GLT8D2: variants seen among roughly 807,000 people sequenced by gnomAD.
GLT8D2 encodes the protein glycosyltransferase 8 domain containing 2, also known as glycosyltransferase 8 domain-containing protein 2.
In GLT8D2, 45 loss-of-function variants were observed where a neutral mutation model predicts 44.5. The observed-to-expected ratio is 1.01, with a 90% CI of 0.80 to 1.30. GLT8D2 has a LOEUF of 1.30. Ranked by LOEUF, GLT8D2 falls within the 50% of genes most tolerant of loss-of-function variation. The pLI is 0.00. For synonymous variants in GLT8D2, 156 were observed against 157.2 expected (o/e 0.99, Z 0.06); for missense variants, 400 against 430.4 (o/e 0.93, Z 0.62).
At chr12:104,038,441 G>A (rs1003349248) in intron 1 of GLT8D2, among the ~76,000 whole-genome samples, 3 of 152,186 alleles carry the variant, frequency 2.0e-5, no homozygotes, top group African/African-American at 7.2e-5. Context: ...AGCAACTTCA[G>A]CAAAGTCTCA....
In GLT8D2 at chr12:104,019,676, C is replaced by T; in HGVS notation, c.-28G>A. Reference sequence around the variant, plus strand: ...GTATTCACGCGGATAAGAACTGTAACCTGTGGATTAAAGGAAAAAAAATCT... The same window carrying T: ...GTATTCACGCGGATAAGAACTGTAATCTGTGGATTAAAGGAAAAAAAATCT... On this transcript the variant is annotated splice_region_variant and 5_prime_UTR_variant, in exon 3 of 11. Coordinates refer to ENST00000360814, the MANE Select transcript of GLT8D2 (RefSeq NM_001384711.1). The T allele has an allele frequency of 6.2e-7, 1 of 1,600,958 alleles. No individual in the cohort carries two copies. Among genetic ancestry groups the T allele is most frequent in the Non-Finnish European group, 8.5e-7 (1 of 1,172,196 alleles).
At chr12:104,004,356 C>A (rs946405007) in intron 4 of GLT8D2, among the ~76,000 whole-genome samples, 1 of 152,122 alleles carries the variant, frequency 6.6e-6, no homozygotes, top group African/African-American at 2.4e-5. Flanking sequence ...TCCTATTCAA[C>A]ACAGTGTTGG....
intron 1 of GLT8D2, among the ~76,000 whole-genome samples, chr12:104,025,212 T>G (rs1486159092): frequency 2.0e-5 from 3 of 152,178 alleles, no homozygotes; most frequent in South Asian, 4.2e-4. Context: ...TCATTTTATT[T>G]TTTTCTTTTT....
chr12:104,034,521 T>G (rs945690183), intron 1 of GLT8D2, among the ~76,000 whole-genome samples: 1 of 152,260 alleles, frequency 6.6e-6, no homozygotes, highest in Non-Finnish European at 1.5e-5. Flanking sequence ...CCCATGCCCA[T>G]GGAGCCTTGC....
chr12:103,990,843 T>C (rs1872665677), intron 10 of GLT8D2, among the ~76,000 whole-genome samples: 1 of 152,176 alleles, frequency 6.6e-6, no homozygotes, highest in South Asian at 2.1e-4. Context: ...TAGGACATCC[T>C]CACCTCTCAG....
chr12:104,004,276 C>T (rs745896451), intron 4 of GLT8D2, among the ~76,000 whole-genome samples: 27 of 152,166 alleles, frequency 1.8e-4, no homozygotes, highest in Non-Finnish European at 3.7e-4. Context: ...CAATATCATA[C>T]TGAATGGGCA....
intron 5 of GLT8D2, among the ~76,000 whole-genome samples, 197 bp downstream of exon 5, chr12:104,002,938 T>G (rs1359646658): frequency 6.7e-6 from 1 of 149,198 alleles, no homozygotes; most frequent in African/African-American, 2.5e-5. Flanking sequence ...CAGAGCAAGA[T>G]CCTATCAGAA....
intron 2 of GLT8D2, among the ~76,000 whole-genome samples, chr12:104,020,252 G>A (rs1007472950): frequency 6.6e-6 from 1 of 152,032 alleles, no homozygotes; most frequent in Non-Finnish European, 1.5e-5. Context: ...TGTAAAAAGA[G>A]CTCTGTCAGC....
At chr12:104,039,793 TGG>T (rs1880337635) in intron 1 of GLT8D2, among the ~76,000 whole-genome samples, 1 of 152,238 alleles carries the variant, frequency 6.6e-6, no homozygotes, top group Non-Finnish European at 1.5e-5. Flanking sequence ...ATCCTATTAC[TGG>T]GTATATACCC....
In GLT8D2 at chr12:104,029,936, A is replaced by T. The variant is rs568380190; in HGVS notation, c.-163-8445T>A. Among the ~76,000 whole-genome samples, 156 of 152,328 alleles carry T rather than the reference A, an allele frequency of 1.0e-3. 2 individuals carry two copies. Among genetic ancestry groups the T allele is most frequent in the African/African-American group, 3.6e-3 (148 of 41,576 alleles). ...ACACCCAAAGCAATCTACAGATTTA[A>T]TGTAGTCCCTTTCAAAATTCCAATG... On this transcript the variant is annotated intron_variant, in intron 1 of 10. Coordinates refer to ENST00000360814, the MANE Select transcript of GLT8D2 (RefSeq NM_001384711.1).
chr12:104,031,343 A>G, intron 1 of GLT8D2: 1 of 1,599,330 alleles, frequency 6.3e-7, no homozygotes, highest in Middle Eastern at 1.9e-4. Context: ...CCATGGCAAC[A>G]GCCTCCGGGG....
intron 3 of GLT8D2, among the ~76,000 whole-genome samples, chr12:104,016,358 CG>C (rs1876591483): frequency 6.6e-6 from 1 of 151,902 alleles, no homozygotes; most frequent in Non-Finnish European, 1.5e-5. Context: ...ATGTGCAGGC[CG>C]GGTGTGGTGG....
chr12:104,060,605 C>CA (rs1476835870), intron 1 of GLT8D2, among the ~76,000 whole-genome samples: 10 of 152,082 alleles, frequency 6.6e-5, no homozygotes, highest in African/African-American at 2.4e-4. Flanking sequence ...AGCCCTAATC[C>CA]AATATAACTA....
intron 1 of GLT8D2, among the ~76,000 whole-genome samples, chr12:104,026,036 T>C (rs1878524016): frequency 6.6e-6 from 1 of 152,126 alleles, no homozygotes; most frequent in African/African-American, 2.4e-5. Flanking sequence ...TCCAGCACTT[T>C]GGGAGGCTGA....
At chr12:104,007,144 A>G (rs1875136347) in intron 4 of GLT8D2, among the ~76,000 whole-genome samples, 1 of 152,042 alleles carries the variant, frequency 6.6e-6, no homozygotes, top group Non-Finnish European at 1.5e-5. Context: ...TAGTACCGCA[A>G]TACAACTTTC....
intron 4 of GLT8D2, among the ~76,000 whole-genome samples, chr12:104,010,575 AG>A (rs1352423544): frequency 1.9e-4 from 29 of 152,136 alleles, no homozygotes; most frequent in African/African-American, 7.0e-4. Context: ...GAGCTCTGTG[AG>A]GGCAGGTATT....
intron 3 of GLT8D2, among the ~76,000 whole-genome samples, chr12:104,018,598 G>T (rs1411773455): frequency 1.3e-5 from 2 of 152,154 alleles, no homozygotes. Context: ...CCACGGCCGG[G>T]CGCAGTGCCT....
intron 1 of GLT8D2, among the ~76,000 whole-genome samples, chr12:104,032,729 C>G (rs1566207513): frequency 1.3e-5 from 2 of 152,060 alleles, no homozygotes; most frequent in Admixed American, 6.5e-5. Flanking sequence ...TAATTTGGAA[C>G]AGCCATTATG....
At chr12:104,034,893 G>A (rs1394740267) in intron 1 of GLT8D2, among the ~76,000 whole-genome samples, 4 of 152,204 alleles carry the variant, frequency 2.6e-5, no homozygotes, top group Non-Finnish European at 5.9e-5. Flanking sequence ...CCCAGTAGGG[G>A]CCAACTGATA....
Sources: allele counts gnomAD v4.1 joint callset (sites outside exome capture counted in the v4.1 genomes callset), GRCh38; gene constraint gnomAD v4.1.1; transcripts MANE v1.5; gene names NCBI Gene and HGNC (gene_info 2026-07-23, HGNC 2026-07-21).